Variants in RPS6KA5 observed in about 807,000 individuals in gnomAD.
RPS6KA5 encodes ribosomal protein S6 kinase alpha-5.
Under a neutral mutation model 85.5 loss-of-function variants are expected in RPS6KA5, and 27 were observed. The observed-to-expected ratio is 0.32, with a 90% CI of 0.23 to 0.44. The LOEUF (loss-of-function observed/expected upper bound fraction) is 0.44. Ranked by LOEUF, RPS6KA5 falls within the 20% of genes least tolerant of loss-of-function variation. RPS6KA5 has a pLI of 1.00. For synonymous variants in RPS6KA5, 334 were observed against 348.2 expected (o/e 0.96, Z 0.46); for missense variants, 811 against 980.9 (o/e 0.83, Z 2.31).
chr14:91,003,408 G>C (rs1332569849), intron 1 of RPS6KA5, among the ~76,000 whole-genome samples: 2 of 152,136 alleles, frequency 1.3e-5, no homozygotes, highest in Non-Finnish European at 2.9e-5. Flanking sequence ...TAGTACCCAG[G>C]AAACCCTAGT....
intron 3 of RPS6KA5, among the ~76,000 whole-genome samples, chr14:90,956,968 TTTTTTTTTTTTTTTTTTCCC>T (rs934935513): frequency 1.9e-5 from 1 of 51,378 alleles, no homozygotes; most frequent in Non-Finnish European, 4.6e-5. Flanking sequence ...TTTTCTGTTT[TTTTTTTTTTTTTTTTTTCCC>T]AGTGAATTCG....
chr14:91,055,431 T>C (rs1444982988), intron 1 of RPS6KA5, among the ~76,000 whole-genome samples: 2 of 152,176 alleles, frequency 1.3e-5, no homozygotes, highest in Non-Finnish European at 2.9e-5. Flanking sequence ...ATCTATACAA[T>C]GGAACACAAT....
intron 9 of RPS6KA5, 83 bp from the exon 10 acceptor site, chr14:90,900,819 T>C: frequency 8.1e-7 from 1 of 1,229,372 alleles, no homozygotes; most frequent in South Asian, 1.6e-5. Context: ...TGACTTTTTT[T>C]CCTTAGAAAA....
Position 90,894,581 on chromosome 14 carries a change from A to G in RPS6KA5, c.1476T>C (p.Leu492=). 6.2e-7 allele frequency: 1 copy of G among 1,613,392 alleles called. No homozygotes were observed. Among genetic ancestry groups the G allele is most frequent in the Non-Finnish European group, 8.5e-7 (1 of 1,179,524 alleles). The change falls in exon 13 of 17, where the codon CTT becomes CTC. Residue 492 remains leucine (L), a splice_region_variant and synonymous_variant. Transcript: ENST00000614987. Reference sequence around the variant, plus strand: ...GAAGTTCCATCACTAGAAACGTGTGAAGCTAGAAAAGAGAAAGAATAACGT... The same window carrying G: ...GAAGTTCCATCACTAGAAACGTGTGGAGCTAGAAAAGAGAAAGAATAACGT... ...VKLHEVFHDQ[L]HTFLVMELLN...
At chr14:90,903,097 T>A in intron 8 of RPS6KA5, 128 bp from the exon 9 acceptor site, 1 of 782,698 alleles carries the variant, frequency 1.3e-6, no homozygotes, top group Non-Finnish European at 2.0e-6. Context: ...ATATTTCAAA[T>A]CAATAATAAA....
intron 3 of RPS6KA5, among the ~76,000 whole-genome samples, chr14:90,973,018 C>T (rs1384201019): frequency 1.3e-5 from 2 of 152,226 alleles, no homozygotes; most frequent in South Asian, 4.1e-4. Flanking sequence ...CACTACTACT[C>T]ACCTATGAGA....
At chr14:90,929,350 G>C (rs2036848832) in intron 5 of RPS6KA5, among the ~76,000 whole-genome samples, 2 of 152,092 alleles carry the variant, frequency 1.3e-5, no homozygotes, top group South Asian at 4.1e-4. Context: ...TAATGGTTCT[G>C]ACTTTTTTCT....
At chr14:90,881,452 C>CAAAA (rs375439250) in intron 14 of RPS6KA5, among the ~76,000 whole-genome samples, 1 of 126,018 alleles carries the variant, frequency 7.9e-6, no homozygotes, top group Non-Finnish European at 1.7e-5. Flanking sequence ...GACTCTGTCT[C>CAAAA]AAAAAAAAAA....
At chr14:91,037,199 C>T (rs1231388457) in intron 1 of RPS6KA5, among the ~76,000 whole-genome samples, 1 of 152,192 alleles carries the variant, frequency 6.6e-6, no homozygotes, top group Non-Finnish European at 1.5e-5. Flanking sequence ...GAAGCAACCA[C>T]AGCCCAACAA....
At chr14:90,997,732 C>T (rs937317739) in intron 2 of RPS6KA5, among the ~76,000 whole-genome samples, 1 of 152,038 alleles carries the variant, frequency 6.6e-6, no homozygotes, top group East Asian at 1.9e-4. Flanking sequence ...AAGTACTGGC[C>T]AGGCAGGGTG....
chr14:90,897,751 G>A (rs2034920906), intron 12 of RPS6KA5, among the ~76,000 whole-genome samples: 1 of 152,176 alleles, frequency 6.6e-6, no homozygotes. Context: ...TAGTCTGAAG[G>A]TCAGAGATCA....
At chr14:91,050,757 A>G (rs2043046125) in intron 1 of RPS6KA5, among the ~76,000 whole-genome samples, 1 of 151,790 alleles carries the variant, frequency 6.6e-6, no homozygotes. Flanking sequence ...ATGTTTGTTT[A>G]AAAAAATAAA....
chr14:90,940,431 C>A (rs1326764805), intron 5 of RPS6KA5, among the ~76,000 whole-genome samples: 2 of 152,088 alleles, frequency 1.3e-5, no homozygotes, highest in Admixed American at 6.5e-5. Flanking sequence ...TGAAGAGTGA[C>A]CTGGCTGATT....
chr14:91,059,655 T>C (rs972925565), intron 1 of RPS6KA5, among the ~76,000 whole-genome samples: 45 of 152,212 alleles, frequency 3.0e-4, no homozygotes, highest in African/African-American at 9.9e-4. Context: ...TGCTCGTTAG[T>C]TCCTTTTACC....
chr14:91,059,832 T>G (rs2139995605), intron 1 of RPS6KA5, among the ~76,000 whole-genome samples: 1 of 152,290 alleles, frequency 6.6e-6, no homozygotes, highest in East Asian at 1.9e-4. Context: ...AGGCGAAACC[T>G]CCCGTTTATC....
intron 3 of RPS6KA5, 42 bp downstream of exon 3, chr14:90,978,264 A>G: frequency 6.9e-7 from 1 of 1,456,522 alleles, no homozygotes; most frequent in Non-Finnish European, 9.4e-7. Context: ...AGACCCAAAG[A>G]AAAGTGTTTT....
intron 7 of RPS6KA5, among the ~76,000 whole-genome samples, chr14:90,919,025 T>C (rs2036266366): frequency 6.6e-6 from 1 of 152,124 alleles, no homozygotes. Context: ...GAATCTACAG[T>C]TCAATTTGGC....
At chr14:91,013,501 G>A (rs949621790) in intron 1 of RPS6KA5, among the ~76,000 whole-genome samples, 5 of 152,014 alleles carry the variant, frequency 3.3e-5, no homozygotes, top group African/African-American at 9.7e-5. Flanking sequence ...AAAGCATACA[G>A]AAAACCACCA....
At chr14:90,883,920 T>C (rs1299501269) in intron 14 of RPS6KA5, among the ~76,000 whole-genome samples, 1 of 152,242 alleles carries the variant, frequency 6.6e-6, no homozygotes, top group Non-Finnish European at 1.5e-5. Context: ...TGGGCATGCC[T>C]GGTAGCTTTC....
Sources: allele counts gnomAD v4.1 joint callset (sites outside exome capture counted in the v4.1 genomes callset), GRCh38; gene constraint gnomAD v4.1.1; transcripts MANE v1.5; gene names NCBI Gene and HGNC (gene_info 2026-07-23, HGNC 2026-07-21).